Variants in IL1RAPL1 observed in about 807,000 individuals in gnomAD.
The protein encoded by IL1RAPL1 is interleukin-1 receptor accessory protein-like 1.
A neutral mutation model predicts 48.4 loss-of-function variants in IL1RAPL1; 3 were observed. The observed-to-expected ratio is 0.06, with a 90% CI of 0.03 to 0.16. The LOEUF is 0.16. Among genes scored for constraint, IL1RAPL1 ranks in the 10% least tolerant of loss-of-function variants. IL1RAPL1 has a pLI of 1.00. For synonymous variants in IL1RAPL1, 185 were observed against 187.7 expected, an observed-to-expected ratio of 0.99 and a Z score of 0.12; for missense variants, 349 against 530.6, an observed-to-expected ratio of 0.66 and a Z score of 3.36.
chrX:29,343,482 G>C (rs755969804), intron 3 of IL1RAPL1, among the ~76,000 whole-genome samples: 1 of 111,443 alleles, frequency 9.0e-6, no homozygotes, highest in East Asian at 2.8e-4. Flanking sequence ...AAAGAACCCT[G>C]CTAAAACCGG....
At chrX:29,480,782 C>T (rs1050997133) in intron 5 of IL1RAPL1, among the ~76,000 whole-genome samples, 6 of 110,785 alleles carry the variant, frequency 5.4e-5, no homozygotes, top group African/African-American at 2.0e-4. Flanking sequence ...GTTTTACAAG[C>T]TGATTTTTTA....
intron 2 of IL1RAPL1, among the ~76,000 whole-genome samples, chrX:28,916,135 G>T: frequency 9.1e-6 from 1 of 110,280 alleles, no homozygotes. Context: ...TGTTAAATTG[G>T]ATTAAGTTCC....
At chrX:29,425,983 C>T (rs997808083) in intron 5 of IL1RAPL1, among the ~76,000 whole-genome samples, 1 of 111,514 alleles carries the variant, frequency 9.0e-6, no homozygotes, top group African/African-American at 3.3e-5. Context: ...ACATTCAACT[C>T]TCCTTCCCTT....
chrX:29,294,241 CA>C (rs907384427), intron 3 of IL1RAPL1, among the ~76,000 whole-genome samples: 23 of 110,521 alleles, frequency 2.1e-4, no homozygotes, highest in Non-Finnish European at 3.0e-4. Flanking sequence ...TGAATGAAAA[CA>C]GGGGTTGGCA....
rs775209810 is a variant in IL1RAPL1 at position 28,669,831 on chromosome X, T to C, written c.-25+81784T>C. On this transcript the variant is annotated intron_variant, in intron 1 of 10. Coordinates refer to ENST00000378993, the MANE Select transcript of IL1RAPL1 (RefSeq NM_014271.4). ...AAAATTGAAGAGAATGGAGAAATAA[T>C]AACAATTCGAGTTAATTTCGGTGAT... Among the ~76,000 whole-genome samples, 6 of 105,371 alleles carry C rather than the reference T, an allele frequency of 5.7e-5. No individual in the cohort carries two copies. The East Asian group carries it at 1.7e-3, about 31-fold the overall frequency. 91.5% of individuals were successfully genotyped at this position (105,371 alleles called of 115,157 possible).
Position 29,641,128 on chromosome X carries a change from G to A in IL1RAPL1, c.704-27302G>A, listed in dbSNP as rs182053571. ...CAAGGCTACAGTGAGTCACGATCGC[G>A]CCACTGCGCTCCAGCCTGGGCAACA... On this transcript the variant is annotated intron_variant, in intron 5 of 10. Coordinates refer to ENST00000378993, the MANE Select transcript of IL1RAPL1 (RefSeq NM_014271.4). 2.4e-3 allele frequency among the ~76,000 whole-genome samples: 266 copies of A among 112,316 alleles called. 1 individual carries two copies. Among genetic ancestry groups the A allele is most frequent in the African/African-American group, 8.4e-3 (260 of 30,883 alleles).
intron 2 of IL1RAPL1, among the ~76,000 whole-genome samples, chrX:29,090,087 A>G (rs1329182376): frequency 1.8e-5 from 2 of 108,699 alleles, no homozygotes; most frequent in African/African-American, 6.7e-5. Context: ...ACTGCATTGT[A>G]TAATGTTCTG....
At chrX:29,389,245 A>T (rs1933823813) in intron 3 of IL1RAPL1, among the ~76,000 whole-genome samples, 1 of 106,741 alleles carries the variant, frequency 9.4e-6, no homozygotes, top group Admixed American at 1.0e-4. Flanking sequence ...AGTCCCAGCT[A>T]CTTGGGAGGC....
intron 2 of IL1RAPL1, among the ~76,000 whole-genome samples, chrX:28,893,868 A>T (rs1448957437): frequency 1.8e-5 from 2 of 111,219 alleles, no homozygotes; most frequent in African/African-American, 6.5e-5. Context: ...CTTGTGTGGG[A>T]AGAGATTGAT....
intron 6 of IL1RAPL1, among the ~76,000 whole-genome samples, chrX:29,780,812 T>C (rs191334268): frequency 6.3e-5 from 7 of 111,827 alleles, no homozygotes; most frequent in Admixed American, 3.8e-4. Context: ...AGTGTTATTT[T>C]AATATTACAT....
At chrX:29,088,776 CAT>C (rs1928014337) in intron 2 of IL1RAPL1, among the ~76,000 whole-genome samples, 1 of 107,658 alleles carries the variant, frequency 9.3e-6, no homozygotes, top group Admixed American at 1.0e-4. Context: ...CGAACTAACA[CAT>C]AGTGCTTTGC....
intron 5 of IL1RAPL1, among the ~76,000 whole-genome samples, chrX:29,555,823 G>A (rs1454349816): frequency 8.9e-6 from 1 of 111,979 alleles, no homozygotes; most frequent in Non-Finnish European, 1.9e-5. Flanking sequence ...TTAAAGAAAA[G>A]TTTTTAGGAA....
intron 1 of IL1RAPL1, among the ~76,000 whole-genome samples, chrX:28,710,286 T>C (rs1035417839): frequency 4.0e-5 from 4 of 100,170 alleles, no homozygotes; most frequent in African/African-American, 1.1e-4. Context: ...AAGTAAATTA[T>C]ATAACAGAAG....
chrX:29,695,017 A>G (rs7056196), intron 6 of IL1RAPL1, among the ~76,000 whole-genome samples: 4,658 of 111,322 alleles, frequency 0.042, 193 homozygotes, highest in East Asian at 0.27. Context: ...ACCAAAAACA[A>G]TATCTGCAAA....
chrX:29,097,121 AGTAAT>A (rs1778440117), intron 2 of IL1RAPL1, among the ~76,000 whole-genome samples: 1 of 111,285 alleles, frequency 9.0e-6, no homozygotes, highest in African/African-American at 3.3e-5. Context: ...GAAATCAAAA[AGTAAT>A]ATACTTTATA....
chrX:29,110,130 A>C (rs759132059), intron 2 of IL1RAPL1, among the ~76,000 whole-genome samples: 3 of 111,956 alleles, frequency 2.7e-5, no homozygotes, highest in East Asian at 2.8e-4. Context: ...ACAACAACAA[A>C]AAGGTACTTA....
intron 2 of IL1RAPL1, among the ~76,000 whole-genome samples, chrX:28,820,318 C>A (rs1936924258): frequency 9.1e-6 from 1 of 109,317 alleles, no homozygotes; most frequent in Non-Finnish European, 1.9e-5. Context: ...ATAATCTATA[C>A]CTGCTTCTTC....
At chrX:28,712,984 G>A (rs1430055196) in intron 1 of IL1RAPL1, among the ~76,000 whole-genome samples, 1 of 111,161 alleles carries the variant, frequency 9.0e-6, no homozygotes. Flanking sequence ...CTTATTATTG[G>A]CTGTTATGCC....
chrX:29,457,659 T>A (rs1167929758), intron 5 of IL1RAPL1, among the ~76,000 whole-genome samples: 6 of 112,209 alleles, frequency 5.3e-5, no homozygotes, highest in Non-Finnish European at 9.4e-5. Flanking sequence ...AGTGCATGTG[T>A]CTTTTTGGTA....
Sources: allele counts gnomAD v4.1 joint callset (sites outside exome capture counted in the v4.1 genomes callset), GRCh38; gene constraint gnomAD v4.1.1; transcripts MANE v1.5; gene names NCBI Gene and HGNC (gene_info 2026-07-23, HGNC 2026-07-21).